Variants in ANKRD45 observed in about 807,000 individuals in gnomAD.
The protein encoded by ANKRD45 is ankyrin repeat domain-containing protein 45.
Under a neutral mutation model 28.1 loss-of-function variants are expected in ANKRD45, and 21 were observed. The observed-to-expected ratio is 0.75, with a 90% CI of 0.53 to 1.08. The LOEUF (loss-of-function observed/expected upper bound fraction) is 1.08, where lower values mean the gene tolerates loss of function less well. Ranked by LOEUF, ANKRD45 falls within the 50% of genes least tolerant of loss-of-function variation. ANKRD45 has a pLI of 0.00. For synonymous variants in ANKRD45, 86 were observed against 103.9 expected (o/e 0.83, Z 1.05); for missense variants, 261 against 308.7 (o/e 0.85, Z 1.16).
intron 2 of ANKRD45, 42 bp from the exon 3 acceptor site, chr1:173,647,055 T>A (rs747386443): frequency 1.3e-6 from 2 of 1,579,824 alleles, no homozygotes; most frequent in South Asian, 1.1e-5. Flanking sequence ...ACAGACTACA[T>A]TGTTTTAGGC....
At chr1:173,631,784 C>T (rs1016637411) in intron 3 of ANKRD45, among the ~76,000 whole-genome samples, 6 of 151,684 alleles carry the variant, frequency 4.0e-5, no homozygotes, top group African/African-American at 1.2e-4. Context: ...TTTTTAAATT[C>T]TTGCAACAAA....
At chr1:173,614,708 A>G (rs943794939) in intron 5 of ANKRD45, among the ~76,000 whole-genome samples, 4 of 152,198 alleles carry the variant, frequency 2.6e-5, no homozygotes, top group African/African-American at 4.8e-5. Flanking sequence ...ACAAGATGAC[A>G]CTATCTTCTT....
At chr1:173,654,995 G>A (rs762268324) in intron 2 of ANKRD45, among the ~76,000 whole-genome samples, 5 of 152,050 alleles carry the variant, frequency 3.3e-5, no homozygotes, top group Non-Finnish European at 5.9e-5. Context: ...TTAGCCATTC[G>A]TCTAATCTTC....
chr1:173,657,813 C>A lies in ANKRD45; in HGVS notation c.328+1278G>T, dbSNP rs868656676. On this transcript the variant is annotated intron_variant, in intron 2 of 5. Transcript: ENST00000333279. ...GTCATTAATTTATTCAATTATTTTTCTTTTATTTTCTTTGGTTACTCAGTT... is the reference window on the plus strand; with the variant it reads ...GTCATTAATTTATTCAATTATTTTTATTTTATTTTCTTTGGTTACTCAGTT... 3 of 151,262 alleles carry A rather than the reference C, an allele frequency of 2.0e-5. No individual in the cohort carries two copies. The Middle Eastern group carries it at 0.01, about 514-fold the overall frequency. The allele number at this position is 151,262 out of a possible 1,614,324, so 9.4% of individuals were successfully genotyped here. A position where few individuals can be genotyped will look rare whatever the true frequency, so the allele number is the denominator to read the frequency against.
intron 5 of ANKRD45, among the ~76,000 whole-genome samples, chr1:173,623,318 A>G (rs1667785231): frequency 6.6e-6 from 1 of 152,122 alleles, no homozygotes; most frequent in African/African-American, 2.4e-5. Flanking sequence ...TCGAAAAAAA[A>G]AAAAACACAT....
intron 3 of ANKRD45, among the ~76,000 whole-genome samples, chr1:173,633,706 T>G (rs959974020): frequency 4.6e-5 from 7 of 151,822 alleles, no homozygotes; most frequent in African/African-American, 1.7e-4. Flanking sequence ...AAATCTCACT[T>G]TTGACGAAGG....
At chr1:173,687,495 T>C in the ANKRD45 span, among the ~76,000 whole-genome samples, 1 of 132,280 alleles carries the variant, frequency 7.6e-6, no homozygotes, top group African/African-American at 2.7e-5. Context: ...AGATAACTAT[T>C]CTTTTCCAAA....
intron 1 of ANKRD45, among the ~76,000 whole-genome samples, chr1:173,666,545 G>A (rs958585991): frequency 2.0e-5 from 3 of 151,910 alleles, no homozygotes; most frequent in Non-Finnish European, 4.4e-5. Flanking sequence ...TACCTAATAC[G>A]ATGTAAATGC....
chr1:173,688,329 A>C, the ANKRD45 span, among the ~76,000 whole-genome samples: 2 of 114,850 alleles, frequency 1.7e-5, no homozygotes, highest in African/African-American at 3.5e-5. Flanking sequence ...TCTCTCTCTG[A>C]CTCCCTCTTT....
intron 3 of ANKRD45, among the ~76,000 whole-genome samples, chr1:173,628,397 G>C (rs921320571): frequency 4.6e-5 from 7 of 151,816 alleles, no homozygotes; most frequent in African/African-American, 1.5e-4. Flanking sequence ...CCAGAGGAGA[G>C]CCCACTGCCC....
intron 1 of ANKRD45, among the ~76,000 whole-genome samples, chr1:173,668,461 G>A (rs150713834): frequency 2.2e-4 from 33 of 152,288 alleles, no homozygotes; most frequent in African/African-American, 7.7e-4. Context: ...CATAGGGCAG[G>A]GAGCACTCGG....
At chr1:173,636,362 A>C (rs1358711529) in intron 3 of ANKRD45, among the ~76,000 whole-genome samples, 2 of 152,198 alleles carry the variant, frequency 1.3e-5, no homozygotes. Context: ...CACTTTGCCA[A>C]TAGATGACAC....
intron 2 of ANKRD45, among the ~76,000 whole-genome samples, chr1:173,653,658 A>C (rs1376199672): frequency 6.6e-6 from 1 of 151,874 alleles, no homozygotes; most frequent in Non-Finnish European, 1.5e-5. Context: ...ATCCTTGTTA[A>C]CCTTATGTCT....
intron 3 of ANKRD45, among the ~76,000 whole-genome samples, chr1:173,644,157 G>T (rs1015867906): frequency 6.6e-6 from 1 of 152,042 alleles, no homozygotes; most frequent in African/African-American, 2.4e-5. Context: ...GACTATTTGG[G>T]GTAGGGATTT....
At position 173,659,599 on chromosome 1, in the gene ANKRD45, T is replaced by C. The variant is rs112555653; in HGVS notation, c.-15-166A>G. The stretch of plus-strand genomic sequence containing the variant: ...CAGCAATTCCATCAATAAAGTTTAT[T>C]GTGTACCTATTATGAGTAGGTACAT... On this transcript the variant is annotated intron_variant, in intron 1 of 5. Transcript: ENST00000333279. Among the ~76,000 whole-genome samples the C allele has an allele frequency of 8.5e-3, 1,293 of 152,306 alleles. 18 individuals carry two copies. Among genetic ancestry groups the C allele is most frequent in the African/African-American group, 0.029 (1,211 of 41,568 alleles).
intron 3 of ANKRD45, among the ~76,000 whole-genome samples, chr1:173,637,643 A>G (rs1668510194): frequency 6.6e-6 from 1 of 152,204 alleles, no homozygotes; most frequent in African/African-American, 2.4e-5. Flanking sequence ...CATTCCAGCC[A>G]ATGGAAACCG....
chr1:173,660,782 G>C (rs1669740341), intron 1 of ANKRD45, among the ~76,000 whole-genome samples: 1 of 152,168 alleles, frequency 6.6e-6, no homozygotes, highest in Non-Finnish European at 1.5e-5. Context: ...CACTGAGTGA[G>C]CTTGGAAGTA....
intron 5 of ANKRD45, among the ~76,000 whole-genome samples, chr1:173,619,031 C>A (rs1380657499): frequency 6.6e-6 from 1 of 152,278 alleles, no homozygotes. Flanking sequence ...CATATCCAGC[C>A]AAACTAAGCT....
chr1:173,655,523 C>T (rs1231966672), intron 2 of ANKRD45, among the ~76,000 whole-genome samples: 1 of 152,228 alleles, frequency 6.6e-6, no homozygotes, highest in Non-Finnish European at 1.5e-5. Flanking sequence ...TATGAGGTGT[C>T]AGTCGGCCCC....
Sources: allele counts gnomAD v4.1 joint callset (sites outside exome capture counted in the v4.1 genomes callset), GRCh38; gene constraint gnomAD v4.1.1; transcripts MANE v1.5; gene names NCBI Gene and HGNC (gene_info 2026-07-23, HGNC 2026-07-21).